FBXW11: variants seen among roughly 807,000 people sequenced by gnomAD.
FBXW11 encodes the protein F-box and WD repeat domain containing 11, also known as F-box/WD repeat-containing protein 11.
In FBXW11, 19 loss-of-function variants were observed where a neutral mutation model predicts 77.6. The observed-to-expected ratio is 0.24, with a 90% CI of 0.17 to 0.36. The LOEUF (loss-of-function observed/expected upper bound fraction) is 0.36, where lower values mean the gene tolerates loss of function less well. Ranked by LOEUF, FBXW11 falls within the 10% of genes least tolerant of loss-of-function variation. FBXW11 has a pLI of 1.00. For synonymous variants in FBXW11, 235 were observed against 249.4 expected, an observed-to-expected ratio of 0.94 and a Z score of 0.54; for missense variants, 334 against 704.2, an observed-to-expected ratio of 0.47 and a Z score of 5.95.
intron 2 of FBXW11, among the ~76,000 whole-genome samples, chr5:171,951,209 A>AC (rs1471978856): frequency 6.6e-6 from 1 of 150,468 alleles, no homozygotes; most frequent in African/African-American, 2.5e-5. Context: ...ACAAAAGACA[A>AC]AAAAAAAATT....
intron 4 of FBXW11, among the ~76,000 whole-genome samples, chr5:171,903,036 A>C (rs1379559787): frequency 7.2e-5 from 11 of 152,056 alleles, no homozygotes; most frequent in Admixed American, 7.2e-4. Context: ...TTTGTTTTCA[A>C]CTCTTTCAAT....
intron 2 of FBXW11, among the ~76,000 whole-genome samples, chr5:171,957,095 C>A (rs1035695026): frequency 6.6e-6 from 1 of 152,298 alleles, no homozygotes; most frequent in Middle Eastern, 3.4e-3. Flanking sequence ...AAATTATTGG[C>A]AGCATAAAGC....
chr5:171,958,012 T>C (rs1369224282), intron 1 of FBXW11, among the ~76,000 whole-genome samples: 1 of 152,206 alleles, frequency 6.6e-6, no homozygotes, highest in Non-Finnish European at 1.5e-5. Flanking sequence ...ACAAGATTAG[T>C]GGTGAGATTG....
intron 2 of FBXW11, among the ~76,000 whole-genome samples, chr5:171,920,887 T>G (rs978622557): frequency 1.3e-5 from 2 of 152,194 alleles, no homozygotes; most frequent in African/African-American, 4.8e-5. Flanking sequence ...GTAGCCGAGA[T>G]GTAAATTACA....
chr5:171,970,840 C>A (rs575997835), intron 1 of FBXW11, among the ~76,000 whole-genome samples: 2 of 152,152 alleles, frequency 1.3e-5, no homozygotes, highest in African/African-American at 2.4e-5. Flanking sequence ...CCTAAGCTGA[C>A]CTTGGTTTCA....
At chr5:171,940,429 A>C (rs1762688090) in intron 2 of FBXW11, among the ~76,000 whole-genome samples, 1 of 152,184 alleles carries the variant, frequency 6.6e-6, no homozygotes, top group Non-Finnish European at 1.5e-5. Context: ...AGTAGCACTA[A>C]GCACACTTGC....
At chr5:171,980,650 T>C (rs887708625) in intron 1 of FBXW11, among the ~76,000 whole-genome samples, 1 of 152,132 alleles carries the variant, frequency 6.6e-6, no homozygotes, top group Non-Finnish European at 1.5e-5. Flanking sequence ...CCTATGAGAA[T>C]GGCTAAAATT....
At chr5:171,879,293 C>T (rs1230035204) in intron 7 of FBXW11, among the ~76,000 whole-genome samples, 2 of 152,118 alleles carry the variant, frequency 1.3e-5, no homozygotes, top group Non-Finnish European at 1.5e-5. Flanking sequence ...ATATACATTC[C>T]TTTTTAGTGC....
chr5:171,982,078 T>G (rs185260325), intron 1 of FBXW11, among the ~76,000 whole-genome samples: 43 of 152,220 alleles, frequency 2.8e-4, no homozygotes, highest in African/African-American at 8.4e-4. Flanking sequence ...ATGTTCCATA[T>G]CTTGATAGCA....
chr5:171,932,919 C>T (rs116452874), intron 2 of FBXW11, among the ~76,000 whole-genome samples: 2 of 131,772 alleles, frequency 1.5e-5, no homozygotes, highest in Non-Finnish European at 3.1e-5. Context: ...GGACTTGAGA[C>T]CAGACTGAAC....
chr5:171,995,731 C>T (rs1034087151), intron 1 of FBXW11, among the ~76,000 whole-genome samples: 3 of 150,880 alleles, frequency 2.0e-5, no homozygotes, highest in African/African-American at 4.9e-5. Context: ...CCAGCCTGGG[C>T]GACAGAGCGA....
chr5:171,935,817 TAAAC>T (rs1229458100), intron 2 of FBXW11, among the ~76,000 whole-genome samples: 1 of 151,972 alleles, frequency 6.6e-6, no homozygotes, highest in Non-Finnish European at 1.5e-5. Flanking sequence ...GCTCTAAGAA[TAAAC>T]AAGTCTGAGC....
At chr5:171,877,358 T>C (rs777772169) in intron 8 of FBXW11, among the ~76,000 whole-genome samples, 4 of 152,174 alleles carry the variant, frequency 2.6e-5, no homozygotes, top group Non-Finnish European at 4.4e-5. Flanking sequence ...GTCTATCAGT[T>C]ATCCACTGCA....
intron 7 of FBXW11, among the ~76,000 whole-genome samples, chr5:171,887,895 G>A (rs1219344225): frequency 6.6e-6 from 1 of 152,126 alleles, no homozygotes; most frequent in African/African-American, 2.4e-5. Context: ...CTGGCCTCAA[G>A]TGATCCACCC....
At chr5:171,947,883 C>T (rs1763097453) in intron 2 of FBXW11, among the ~76,000 whole-genome samples, 1 of 151,930 alleles carries the variant, frequency 6.6e-6, no homozygotes, top group African/African-American at 2.4e-5. Context: ...CACCACTGCA[C>T]TCTAGCTTGG....
At chr5:171,913,425 C>T (rs1194123412) in intron 3 of FBXW11, among the ~76,000 whole-genome samples, 3 of 152,184 alleles carry the variant, frequency 2.0e-5, no homozygotes, top group East Asian at 1.9e-4. Flanking sequence ...GAGCATCCCA[C>T]TGCAAAATAA....
intron 7 of FBXW11, among the ~76,000 whole-genome samples, chr5:171,882,361 C>T (rs189518385): frequency 1.1e-3 from 174 of 152,298 alleles, no homozygotes; most frequent in African/African-American, 3.5e-3. Flanking sequence ...AATACAGTGA[C>T]ACAATCACAG....
intron 10 of FBXW11, 98 bp from the exon 11 acceptor site, chr5:171,870,956 A>G (rs1581122879): frequency 6.6e-6 from 5 of 760,410 alleles, no homozygotes; most frequent in Non-Finnish European, 6.8e-6. Context: ...ACAATTTTTC[A>G]CTATCTTGGA....
intron 2 of FBXW11, among the ~76,000 whole-genome samples, chr5:171,950,714 C>G (rs534551614): frequency 1.3e-5 from 2 of 152,124 alleles, no homozygotes; most frequent in African/African-American, 4.8e-5. Flanking sequence ...GGCAAAATCT[C>G]GTCTCCACTT....
Sources: gnomAD v4.1 joint callset for allele counts (sites outside exome capture counted in the v4.1 genomes callset) on GRCh38, gnomAD v4.1.1 for gene constraint, MANE v1.5 for transcripts, NCBI Gene and HGNC (gene_info 2026-07-23, HGNC 2026-07-21) for gene names.